The following ZNF433 variants were observed in gnomAD, a reference collection of about 807,000 sequenced individuals.
The protein encoded by ZNF433 is zinc finger protein 433.
ZNF433 carries 12 observed loss-of-function variants against 10.6 expected under a neutral mutation model. That is an observed-to-expected ratio of 1.13 (90% CI 0.72 to 1.83). The LOEUF (loss-of-function observed/expected upper bound fraction) is 1.83. ZNF433 is among the 40% of genes most tolerant of loss of function. ZNF433 has a pLI of 0.00. For synonymous variants in ZNF433, 272 were observed against 271.3 expected (o/e 1.00, Z -0.02); for missense variants, 737 against 798.0 (o/e 0.92, Z 0.92).
At chr19:12,028,508 G>A (rs1974847337) in intron 1 of ZNF433, among the ~76,000 whole-genome samples, 1 of 152,150 alleles carries the variant, frequency 6.6e-6, no homozygotes, top group East Asian at 1.9e-4. Flanking sequence ...TTGGTTCACT[G>A]TGAAATTGTT....
intron 1 of ZNF433, among the ~76,000 whole-genome samples, chr19:12,019,933 A>ACT (rs1974401568): frequency 6.8e-6 from 1 of 146,490 alleles, no homozygotes; most frequent in East Asian, 1.9e-4. Context: ...AATTAAAAAT[A>ACT]ATAAATCACA....
At chr19:12,026,899 T>C (rs1445480932) in intron 1 of ZNF433, 1 of 453,980 alleles carries the variant, frequency 2.2e-6, no homozygotes, top group Non-Finnish European at 4.4e-6. Flanking sequence ...CAAGAGTTCC[T>C]ATTATCTGGA....
At chr19:12,019,206 A>T (rs781021993) in intron 1 of ZNF433, among the ~76,000 whole-genome samples, 1 of 152,148 alleles carries the variant, frequency 6.6e-6, no homozygotes, top group South Asian at 2.1e-4. Flanking sequence ...GGATCACCTG[A>T]GGCCAGGAGT....
In ZNF433 at chr19:12,032,450, AC is replaced by A. The variant is rs370327069; in HGVS notation, c.3+3086del. Among the ~76,000 whole-genome samples the A allele has an allele frequency of 5.1e-3, 775 of 152,158 alleles. 5 individuals carry two copies. The highest frequency in any genetic ancestry group is 0.018 in the African/African-American group (754 of 41,482). On this transcript the variant is annotated intron_variant, in intron 1 of 3. Coordinates refer to ENST00000550507, the MANE Select transcript of ZNF433 (RefSeq NM_001308348.2). ...TACACTGCCCGCAGAGAAGAAAAAA[AC>A]ATATTAAGAAATGGAATATAAGACT... is the stretch of plus-strand genomic sequence containing the variant.
intron 1 of ZNF433, chr19:12,024,377 A>G (rs1035143964): frequency 2.6e-5 from 4 of 152,266 alleles, no homozygotes; most frequent in African/African-American, 9.6e-5. Context: ...AATTCCTGCA[A>G]TAAACAACCT....
chr19:12,032,528 G>A (rs1399460444), intron 1 of ZNF433, among the ~76,000 whole-genome samples: 2 of 150,596 alleles, frequency 1.3e-5, no homozygotes, highest in Non-Finnish European at 2.9e-5. Flanking sequence ...CTGTAGTGCA[G>A]GCTGGAATAC....
chr19:12,025,320 T>A (rs777055291), intron 1 of ZNF433: 1 of 152,222 alleles, frequency 6.6e-6, no homozygotes, highest in African/African-American at 2.4e-5. Flanking sequence ...ATTTACCCAA[T>A]TGCAAACAGC....
intron 3 of ZNF433, among the ~76,000 whole-genome samples, chr19:12,017,351 C>T (rs1158364563): frequency 1.3e-5 from 2 of 151,754 alleles, no homozygotes; most frequent in East Asian, 3.9e-4. Flanking sequence ...AACAGGTGTC[C>T]ACCACGATGC....
At chr19:12,034,935 G>A (rs1029311796) in intron 1 of ZNF433, 10 of 453,838 alleles carry the variant, frequency 2.2e-5, no homozygotes, top group Non-Finnish European at 4.0e-5. Flanking sequence ...GCCTCCTGGG[G>A]TTGTGTTTTC....
chr19:12,022,162 C>T (rs1265458911), intron 1 of ZNF433: 1 of 401,900 alleles, frequency 2.5e-6, no homozygotes, highest in African/African-American at 2.0e-5. Flanking sequence ...CTGGCCCACC[C>T]AGGGTAGAAA....
chr19:12,027,420 A>C (rs898166460), intron 1 of ZNF433, among the ~76,000 whole-genome samples: 2 of 152,240 alleles, frequency 1.3e-5, no homozygotes, highest in African/African-American at 4.8e-5. Flanking sequence ...CATGATGGCT[A>C]TGATGCCCAC....
chr19:12,020,271 C>CA (rs1974419249), intron 1 of ZNF433, among the ~76,000 whole-genome samples: 1 of 149,684 alleles, frequency 6.7e-6, no homozygotes, highest in Admixed American at 6.6e-5. Context: ...GACTCTGTCT[C>CA]AAAAAAATTT....
chr19:12,020,645 G>A (rs928733407), intron 1 of ZNF433, among the ~76,000 whole-genome samples: 6 of 152,062 alleles, frequency 3.9e-5, no homozygotes, highest in Admixed American at 1.3e-4. Flanking sequence ...GGCTGAGCGC[G>A]GTGGCTCACG....
chr19:12,027,524 A>G (rs1259932180), intron 1 of ZNF433, among the ~76,000 whole-genome samples: 2 of 152,250 alleles, frequency 1.3e-5, no homozygotes, highest in Non-Finnish European at 2.9e-5. Flanking sequence ...CCCACAAACA[A>G]TAGTATGAGC....
rs778694435 is a variant in ZNF433 at position 12,015,820 on chromosome 19, A to G, written c.1038T>C (p.Tyr346=). 5 of 1,613,824 alleles carry G rather than the reference A, an allele frequency of 3.1e-6. No individual in the cohort carries two copies. The highest frequency in any genetic ancestry group is 2.2e-5 in the East Asian group (1 of 44,858). ...ECKHCGKVLS[Y]LTSFQNHLGM... is the part of the protein sequence containing the mutation. ...CCAAGTGGTTTTGAAAGCTGGTAAGATAAGATAATACTTTCCCACAATGTT... is the reference window on the plus strand; with the variant it reads ...CCAAGTGGTTTTGAAAGCTGGTAAGGTAAGATAATACTTTCCCACAATGTT... The change falls in exon 4 of 4, where the codon TAT becomes TAC. Residue 346 remains tyrosine, a synonymous_variant. Coordinates refer to ENST00000550507, the MANE Select transcript of ZNF433 (RefSeq NM_001308348.2).
At chr19:12,035,448 G>A in intron 1 of ZNF433, 89 bp downstream of exon 1, 1 of 1,526,800 alleles carries the variant, frequency 6.5e-7, no homozygotes, top group South Asian at 1.2e-5. Context: ...CGGAGTCGCC[G>A]CGGGGAGGCC....
chr19:12,033,150 G>A (rs1975111876), intron 1 of ZNF433, among the ~76,000 whole-genome samples: 1 of 151,862 alleles, frequency 6.6e-6, no homozygotes, highest in Admixed American at 6.6e-5. Flanking sequence ...CTGGAGTGCA[G>A]TGGTGCGATG....
rs941277925 is a variant in ZNF433 at position 12,015,612 on chromosome 19, C to G, written c.1246G>C (p.Glu416Gln). 6.2e-7 allele frequency: 1 copy of G among 1,614,026 alleles called. No homozygotes were observed. Among genetic ancestry groups the G allele is most frequent in the African/African-American group, 1.3e-5 (1 of 74,982 alleles). Residue 416 changes from glutamate to glutamine, a missense_variant, in exon 4 of 4, where the codon GAG (glutamate) becomes CAG (glutamine). By Grantham distance (29) the Glu-to-Gln change is conservative. Transcript: ENST00000550507. ...FRYHERTHTG[E>Q]KPYECKQCGK... Reference sequence around the variant, plus strand: ...CATTGCTTACACTCGTAAGGTTTCTCTCCAGTGTGAGTTCTTTCATGATAT... The same window carrying G: ...CATTGCTTACACTCGTAAGGTTTCTGTCCAGTGTGAGTTCTTTCATGATAT...
intron 1 of ZNF433, among the ~76,000 whole-genome samples, chr19:12,028,916 C>T (rs1018443692): frequency 6.6e-6 from 1 of 152,124 alleles, no homozygotes; most frequent in African/African-American, 2.4e-5. Context: ...GTCTCAAACT[C>T]CCGGGCTCAA....
Sources: gnomAD v4.1 joint callset for allele counts (sites outside exome capture counted in the v4.1 genomes callset) on GRCh38, gnomAD v4.1.1 for gene constraint, MANE v1.5 for transcripts, NCBI Gene and HGNC (gene_info 2026-07-23, HGNC 2026-07-21) for gene names.